The following SAXO1 variants were observed in gnomAD, a reference collection of about 807,000 sequenced individuals.
The protein encoded by SAXO1 is 4930500O09Rik.
SAXO1 carries 21 observed loss-of-function variants against 17.5 expected under a neutral mutation model. That is an observed-to-expected ratio of 1.20 (90% CI 0.85 to 1.72). The LOEUF (loss-of-function observed/expected upper bound fraction) is 1.72, where lower values mean the gene tolerates loss of function less well. Ranked by LOEUF, SAXO1 falls within the 40% of genes most tolerant of loss-of-function variation. SAXO1 has a pLI of 0.00. For missense variants in SAXO1, 843 were observed against 596.0 expected (o/e 1.41, Z -4.32); for synonymous variants, 274 against 216.5 (o/e 1.27, Z -2.33).
intron 3 of SAXO1, among the ~76,000 whole-genome samples, chr9:18,938,621 C>T (rs1831404947): frequency 6.6e-6 from 1 of 152,054 alleles, no homozygotes; most frequent in African/African-American, 2.4e-5. Flanking sequence ...TACAATTCAA[C>T]ATGAGATTTC....
rs573045408 is a variant in SAXO1, at chr9:18,949,411, C to G, written c.218+1347G>C. 3.9e-5 allele frequency among the ~76,000 whole-genome samples: 6 copies of G among 152,242 alleles called. No homozygotes were observed. In the South Asian group the frequency reaches 1.2e-3, roughly 32 times the overall value. On this transcript the variant is annotated intron_variant, in intron 2 of 3. Transcript: ENST00000380534. ...ATTCGAGGCTGCACTGAGCGATGAT[C>G]ACACCATTGCACTCCAGCCATGGCT...
At chr9:18,932,901 T>C (rs964337601) in intron 3 of SAXO1, among the ~76,000 whole-genome samples, 1 of 94,850 alleles carries the variant, frequency 1.1e-5, no homozygotes, top group Non-Finnish European at 2.2e-5. Flanking sequence ...TGAACTCATG[T>C]ATTAGTTCTG....
At chr9:18,990,439 C>T (rs547834647) in intron 1 of SAXO1, among the ~76,000 whole-genome samples, 6 of 152,276 alleles carry the variant, frequency 3.9e-5, no homozygotes, top group Admixed American at 3.9e-4. Flanking sequence ...GACACCGTGG[C>T]TTATGCCTAT....
rs944255908 is a variant in SAXO1 at position 18,941,662 on chromosome 9, C to G, written c.396G>C (p.Lys132Asn). 6.2e-7 allele frequency: 1 copy of G among 1,614,082 alleles called. No homozygotes were observed. Among genetic ancestry groups the G allele is most frequent in the African/African-American group, 1.3e-5 (1 of 74,928 alleles). The change falls in exon 3 of 4, where the codon AAG (lysine) becomes AAC (asparagine). Residue 132 changes from lysine to asparagine, a missense_variant. Physicochemically the swap from Lys to Asn is moderately conservative, Grantham distance 94 (BLOSUM62 0). Coordinates refer to ENST00000380534, the MANE Select transcript of SAXO1 (RefSeq NM_153707.4). The stretch of plus-strand genomic sequence containing the variant: ...CTTTATAAGTAGGCAAACACTCCAT[C>G]TTGTCGCTACATGGATATTTACTGT... ...PRDSKYPCSD[K>N]MECLPTYKAD...
chr9:19,041,710 A>G (rs1213388490), intron 1 of SAXO1, among the ~76,000 whole-genome samples: 2 of 152,242 alleles, frequency 1.3e-5, no homozygotes, highest in African/African-American at 4.8e-5. Flanking sequence ...AGTCTCTTCA[A>G]TAAATAGTGC....
At chr9:18,958,187 G>A (rs1832330631) in intron 1 of SAXO1, among the ~76,000 whole-genome samples, 1 of 152,172 alleles carries the variant, frequency 6.6e-6, no homozygotes, top group African/African-American at 2.4e-5. Context: ...ACATTGGGAG[G>A]CTGAGGTGGG....
chr9:18,956,424 AG>A (rs1832261432), intron 1 of SAXO1, among the ~76,000 whole-genome samples: 1 of 152,176 alleles, frequency 6.6e-6, no homozygotes, highest in Admixed American at 6.5e-5. Context: ...ATCTATAAAA[AG>A]GACAGCATCT....
chr9:18,993,038 G>C (rs1285936709), intron 1 of SAXO1, among the ~76,000 whole-genome samples: 2 of 152,024 alleles, frequency 1.3e-5, no homozygotes, highest in Non-Finnish European at 2.9e-5. Context: ...AGCCTCAGGT[G>C]ATCTGCCCAC....
chr9:18,997,759 C>T (rs1170410381), intron 1 of SAXO1, among the ~76,000 whole-genome samples: 1 of 152,200 alleles, frequency 6.6e-6, no homozygotes, highest in Non-Finnish European at 1.5e-5. Context: ...AAGGATGAAG[C>T]TTCCAGAGGA....
intron 1 of SAXO1, among the ~76,000 whole-genome samples, chr9:18,967,687 G>C (rs549180954): frequency 1.7e-4 from 26 of 152,156 alleles, no homozygotes; most frequent in Non-Finnish European, 2.9e-4. Context: ...GGGCTCCATT[G>C]GGGGAGGATC....
intron 1 of SAXO1, among the ~76,000 whole-genome samples, chr9:18,984,447 T>C (rs1001852084): frequency 1.3e-5 from 2 of 152,242 alleles, no homozygotes; most frequent in Non-Finnish European, 2.9e-5. Context: ...TTTGTTGTGT[T>C]TAAAATAGCT....
At chr9:19,022,508 C>T (rs1835289145) in intron 1 of SAXO1, among the ~76,000 whole-genome samples, 1 of 152,166 alleles carries the variant, frequency 6.6e-6, no homozygotes, top group African/African-American at 2.4e-5. Flanking sequence ...CTGTTGTTCA[C>T]AGATTGTATG....
intron 1 of SAXO1, among the ~76,000 whole-genome samples, chr9:18,996,045 C>T (rs1319930251): frequency 1.3e-5 from 2 of 148,210 alleles, no homozygotes; most frequent in Admixed American, 1.4e-4. Flanking sequence ...TGCCACAGCA[C>T]TCCAATCTCA....
At chr9:19,036,767 T>C (rs1835951630), upstream of SAXO1, among the ~76,000 whole-genome samples, 1 of 152,090 alleles carries the variant, frequency 6.6e-6, no homozygotes, top group Admixed American at 6.6e-5. Context: ...GCTAGGGCAA[T>C]GTGAAAGGGA....
intron 1 of SAXO1, among the ~76,000 whole-genome samples, chr9:18,966,388 G>C (rs915614668): frequency 6.6e-6 from 1 of 152,026 alleles, no homozygotes; most frequent in Non-Finnish European, 1.5e-5. Flanking sequence ...ATCAAAAGTG[G>C]GTTTGGTCTT....
At chr9:18,948,709 C>G (rs1310971618) in intron 2 of SAXO1, among the ~76,000 whole-genome samples, 2 of 152,112 alleles carry the variant, frequency 1.3e-5, no homozygotes, top group African/African-American at 4.8e-5. Context: ...CCGCCCCAGA[C>G]CAAGGGTTTG....
At chr9:18,958,930 T>G (rs1182852022) in intron 1 of SAXO1, among the ~76,000 whole-genome samples, 1 of 152,148 alleles carries the variant, frequency 6.6e-6, no homozygotes, top group Admixed American at 6.5e-5. Context: ...AAAATAAGTT[T>G]CTGGGGGAAA....
intron 1 of SAXO1, among the ~76,000 whole-genome samples, chr9:19,018,248 T>C (rs953016454): frequency 1.3e-5 from 2 of 152,186 alleles, no homozygotes; most frequent in East Asian, 3.8e-4. Flanking sequence ...CTATATCATG[T>C]AAAGTTATTT....
intron 1 of SAXO1, among the ~76,000 whole-genome samples, chr9:18,967,140 G>A (rs1832752378): frequency 6.6e-6 from 1 of 152,166 alleles, no homozygotes; most frequent in Admixed American, 6.5e-5. Context: ...AGGGGCACCT[G>A]CCAGATGCCA....
Sources: allele counts gnomAD v4.1 joint callset (sites outside exome capture counted in the v4.1 genomes callset), GRCh38; gene constraint gnomAD v4.1.1; transcripts MANE v1.5; gene names NCBI Gene and HGNC (gene_info 2026-07-23, HGNC 2026-07-21).